Variants in NPHP3 observed in about 807,000 individuals in gnomAD.
NPHP3 encodes nephrocystin 3.
In NPHP3, 123 loss-of-function variants were observed where a neutral mutation model predicts 171.9. That is an observed-to-expected ratio of 0.72 (90% confidence interval 0.62 to 0.83). The LOEUF (loss-of-function observed/expected upper bound fraction) is 0.83. Among genes scored for constraint, NPHP3 ranks in the 40% least tolerant of loss-of-function variants. The probability of loss-of-function intolerance (pLI) is 0.00; values close to 1 mark genes in which losing one functional copy is unlikely to be tolerated. For missense variants in NPHP3, 1,506 were observed against 1,591.9 expected (o/e 0.95, Z 0.92); for synonymous variants, 558 against 579.2 (o/e 0.96, Z 0.52).
At position 132,722,046 on chromosome 3, in the gene NPHP3, T is replaced by C; in HGVS notation, c.310A>G (p.Ser104Gly). The change falls in exon 1 of 27, where the codon AGC becomes GGC. Residue 104 changes from serine to glycine, a missense_variant. Physicochemically the swap from Ser to Gly is moderately conservative, Grantham distance 56 (BLOSUM62 0). This residue lies in a region of NPHP3 where 930 missense variants were observed against 924.9 expected (regional missense o/e 1.01). Transcript: ENST00000337331. ...ATGGACAACAACTCCTGGTTCTTGCTGACGCGAAAGATCTCGTACTCCTTC... is the reference window on the plus strand; with the variant it reads ...ATGGACAACAACTCCTGGTTCTTGCCGACGCGAAAGATCTCGTACTCCTTC... ...LRKEYEIFRV[S>G]KNQELLSMGR... The C allele has an allele frequency of 1.2e-6, 2 of 1,613,158 alleles. No homozygotes were observed. Among genetic ancestry groups the C allele is most frequent in the Non-Finnish European group, 1.7e-6 (2 of 1,179,900 alleles).
chr3:132,697,929 C>T (rs1939498732), intron 13 of NPHP3, among the ~76,000 whole-genome samples: 1 of 151,398 alleles, frequency 6.6e-6, no homozygotes, highest in South Asian at 2.1e-4. Flanking sequence ...AAAATGGCTC[C>T]TTATAGGAGC....
chr3:132,691,945 T>C (rs980617367), intron 17 of NPHP3, among the ~76,000 whole-genome samples: 1 of 152,210 alleles, frequency 6.6e-6, no homozygotes, highest in Non-Finnish European at 1.5e-5. Context: ...TTAATACATA[T>C]ACAGTCATGT....
intron 16 of NPHP3, chr3:132,693,453 T>C (rs1287180435): frequency 6.5e-6 from 1 of 152,700 alleles, no homozygotes; most frequent in Non-Finnish European, 1.5e-5. Flanking sequence ...TCACCCTCAG[T>C]GAAGGGGTGC....
chr3:132,682,650 A>G (rs1047831972), intron 26 of NPHP3, 53 bp downstream of exon 26: 2 of 1,049,282 alleles, frequency 1.9e-6, no homozygotes, highest in African/African-American at 3.1e-5. Flanking sequence ...ATTCTAAGAC[A>G]AAGCTACTTC....
chr3:132,708,386 A>G, intron 6 of NPHP3, 129 bp from the exon 7 acceptor site: 1 of 850,110 alleles, frequency 1.2e-6, no homozygotes, highest in Non-Finnish European at 1.9e-6. Flanking sequence ...CAACTGCACA[A>G]CAAGTGAAGC....
Position 132,682,791 on chromosome 3 carries a change from A to C in NPHP3, c.3724T>G (p.Tyr1242Asp). The change falls in exon 26 of 27, where the codon TAT becomes GAT. Residue 1242 changes from tyrosine to aspartate, a missense_variant. Transcript: ENST00000337331. ...MKKHVEALPLYERALKIYEDS... is the reference protein window; with the variant it reads ...MKKHVEALPLDERALKIYEDS... Reference sequence around the variant, plus strand: ...TCATAAATCTTTAATGCTCTTTCATATAATGGCAAAGCTTCAACGTGTTTT... The same window carrying C: ...TCATAAATCTTTAATGCTCTTTCATCTAATGGCAAAGCTTCAACGTGTTTT... 1 of 1,611,758 alleles carries C rather than the reference A, an allele frequency of 6.2e-7. No individual in the cohort carries two copies. The highest frequency in any genetic ancestry group is 8.5e-7 in the Non-Finnish European group (1 of 1,177,872).
chr3:132,697,761 A>G (rs1939493741), intron 13 of NPHP3, among the ~76,000 whole-genome samples: 1 of 152,174 alleles, frequency 6.6e-6, no homozygotes, highest in African/African-American at 2.4e-5. Context: ...TACATTCTTG[A>G]TATGGTACTG....
rs753577987 is a variant in NPHP3, at chr3:132,681,679, T to A, written c.*231A>T. ...TCCTCATGTCTTCTTATAATTCTAA[T>A]GTGTCTACATCCTTGGATACCATAT... On this transcript the variant is annotated 3_prime_UTR_variant, in exon 27 of 27. Coordinates refer to ENST00000337331, the MANE Select transcript of NPHP3 (RefSeq NM_153240.5). 32 of 510,698 alleles carry A rather than the reference T, an allele frequency of 6.3e-5. No individual in the cohort carries two copies. The highest frequency in any genetic ancestry group is 1.1e-4 in the Non-Finnish European group (31 of 283,098). The allele number at this position is 510,698 out of a possible 1,614,324, so 31.6% of individuals were successfully genotyped here. A position where few individuals can be genotyped will look rare whatever the true frequency, so the allele number is the denominator to read the frequency against.
chr3:132,682,122 G>T, intron 26 of NPHP3, 32 bp from the exon 27 acceptor site: 1 of 1,580,918 alleles, frequency 6.3e-7, no homozygotes, highest in South Asian at 1.1e-5. Flanking sequence ...CTCTTAAAAT[G>T]AGAATATAAC....
chr3:132,696,686 A>C (rs750628555), intron 15 of NPHP3, 45 bp downstream of exon 15: 1 of 1,554,826 alleles, frequency 6.4e-7, no homozygotes, highest in Non-Finnish European at 8.9e-7. Context: ...GGTCTGCAGC[A>C]AACACAAAAC....
intron 1 of NPHP3, among the ~76,000 whole-genome samples, chr3:132,720,922 ATTT>A (rs71942158): frequency 2.0e-5 from 3 of 147,936 alleles, no homozygotes; most frequent in Admixed American, 6.7e-5. Flanking sequence ...GCTTTATACT[ATTT>A]TTTTTTTTTT....
Position 132,689,151 on chromosome 3 carries a change from C to T in NPHP3, c.2806G>A (p.Glu936Lys), listed in dbSNP as rs147799953. Residue 936 changes from glutamate to lysine, a missense_variant, in exon 20 of 27, where the codon GAG (glutamate) becomes AAG (lysine). Physicochemically the swap from Glu to Lys is moderately conservative, Grantham distance 56 (BLOSUM62 1). Coordinates refer to ENST00000337331, the MANE Select transcript of NPHP3 (RefSeq NM_153240.5). ...LKQYEKNCEG[E>K]DNMSCLADLY... ...TCAGCTAAGCAACTCATGTTGTCCTCGCCTTCGCAGTTTTTCTCATACTGC... is the reference window on the plus strand; with the variant it reads ...TCAGCTAAGCAACTCATGTTGTCCTTGCCTTCGCAGTTTTTCTCATACTGC... The T allele has an allele frequency of 2.7e-5, 44 of 1,614,036 alleles. No individual in the cohort carries two copies. Among genetic ancestry groups the T allele is most frequent in the Non-Finnish European group, 3.6e-5 (42 of 1,180,016 alleles).
intron 18 of NPHP3, 62 bp from the exon 19 acceptor site, chr3:132,690,712 T>C: frequency 6.5e-7 from 1 of 1,540,322 alleles, no homozygotes; most frequent in South Asian, 1.1e-5. Flanking sequence ...TCAAAAAGGC[T>C]TCAGGCAAAT....
In NPHP3 at chr3:132,701,537, G is replaced by GAA. The variant is rs762115717; in HGVS notation, c.1525-6_1525-5dup. ...GATCATTAAGGCGTTGGTAATACTA[G>GAA]AAAAAAAAATGAATTTACATTGTAA... On this transcript the variant is annotated splice_region_variant and splice_polypyrimidine_tract_variant and intron_variant, in intron 9 of 26. Coordinates refer to ENST00000337331, the MANE Select transcript of NPHP3 (RefSeq NM_153240.5). The GAA allele has an allele frequency of 6.3e-7, 1 of 1,577,640 alleles. No homozygotes were observed. Among genetic ancestry groups the GAA allele is most frequent in the Non-Finnish European group, 8.7e-7 (1 of 1,150,448 alleles).
At chr3:132,698,893 C>A (rs569294981) in intron 13 of NPHP3, among the ~76,000 whole-genome samples, 14 of 152,178 alleles carry the variant, frequency 9.2e-5, no homozygotes, top group South Asian at 4.1e-4. Flanking sequence ...AACCTCCCCC[C>A]AAATCCCTTT....
In NPHP3 at chr3:132,719,069, T is replaced by C. The variant is rs1940132971; in HGVS notation, c.595A>G (p.Arg199Gly). 1.2e-6 allele frequency: 2 copies of C among 1,613,964 alleles called. No homozygotes were observed. Among genetic ancestry groups the C allele is most frequent in the African/African-American group, 1.3e-5 (1 of 74,934 alleles). The change falls in exon 3 of 27, where the codon AGG (arginine) becomes GGG (glycine). Residue 199 changes from arginine to glycine, a missense_variant. Arg to Gly is a moderately radical substitution (Grantham distance 125). Around this residue, in one of 3 missense-constraint regions of NPHP3, gnomAD observed 930 missense variants for 924.9 expected, o/e 1.01. Transcript: ENST00000337331. ...AKRELESKLQ[R>G]LQAQGIQVFD... is the part of the protein sequence containing the mutation. ...ACTTGGATACCCTGAGCCTGTAGCC[T>C]CTGAAGTTTGCTCTCCAACTCCCTC...
intron 10 of NPHP3, among the ~76,000 whole-genome samples, chr3:132,701,061 G>T (rs1193730450): frequency 6.6e-6 from 1 of 152,046 alleles, no homozygotes; most frequent in Non-Finnish European, 1.5e-5. Flanking sequence ...AATATTTAAA[G>T]TATCAATGAA....
chr3:132,708,207 T>C lies in NPHP3; in HGVS notation c.1169A>G (p.Lys390Arg). The change falls in exon 7 of 27, where the codon AAA becomes AGA. Residue 390 changes from lysine to arginine, a missense_variant. Physicochemically the swap from Lys to Arg is conservative, Grantham distance 26 (BLOSUM62 2). Around this residue, in one of 3 missense-constraint regions of NPHP3, gnomAD observed 930 missense variants for 924.9 expected, o/e 1.01. Coordinates refer to ENST00000337331, the MANE Select transcript of NPHP3 (RefSeq NM_153240.5). ...CAAACGATGAAAGATTAATCGAGGTTTTCCTTCAGGGTTTTTCAGAAAAGC... is the reference window on the plus strand; with the variant it reads ...CAAACGATGAAAGATTAATCGAGGTCTTCCTTCAGGGTTTTTCAGAAAAGC... ...EEAFLKNPEGKPRLIFHRLED... is the reference protein window; with the variant it reads ...EEAFLKNPEGRPRLIFHRLED... 1 of 1,614,146 alleles carries C rather than the reference T, an allele frequency of 6.2e-7. No homozygotes were observed. The highest frequency in any genetic ancestry group is 1.1e-5 in the South Asian group (1 of 91,084).
chr3:132,708,061 T>G (rs1473991203), intron 7 of NPHP3, 40 bp downstream of exon 7: 17 of 1,604,732 alleles, frequency 1.1e-5, no homozygotes, highest in Non-Finnish European at 1.4e-5. Context: ...AGTTTTTCCC[T>G]CAGCTAAGTG....
Sources: allele counts gnomAD v4.1 joint callset (sites outside exome capture counted in the v4.1 genomes callset), GRCh38; gene constraint gnomAD v4.1.1; regional missense constraint gnomAD v4.1.1; transcripts MANE v1.5; gene names NCBI Gene and HGNC (gene_info 2026-07-23, HGNC 2026-07-21).